Variants in ABCA3 observed in about 807,000 individuals in gnomAD.
ABCA3 encodes the protein ATP binding cassette subfamily A member 3, also known as phospholipid-transporting ATPase ABCA3.
In ABCA3, 88 loss-of-function variants were observed where a neutral mutation model predicts 172.8. That is an observed-to-expected ratio of 0.51 (90% CI 0.43 to 0.61). ABCA3 has a LOEUF of 0.61. Among genes scored for constraint, ABCA3 ranks in the 20% least tolerant of loss-of-function variants. ABCA3 has a pLI of 0.00. For synonymous variants in ABCA3, 1,066 were observed against 983.8 expected (o/e 1.08, Z -1.56); for missense variants, 2,164 against 2,301.0 (o/e 0.94, Z 1.22).
intron 10 of ABCA3, among the ~76,000 whole-genome samples, 182 bp from the exon 11 acceptor site, chr16:2,308,805 C>T (rs1027330543): frequency 1.3e-5 from 2 of 152,128 alleles, no homozygotes; most frequent in Non-Finnish European, 2.9e-5. Flanking sequence ...GCCGGCAGCC[C>T]CTTCTCCAAG....
At chr16:2,320,465 C>A (rs1416750295) in intron 7 of ABCA3, among the ~76,000 whole-genome samples, 1 of 151,424 alleles carries the variant, frequency 6.6e-6, no homozygotes, top group African/African-American at 2.4e-5. Flanking sequence ...TCTCGGCTCA[C>A]TGCAACGTCT....
chr16:2,284,109 G>T lies in ABCA3; in HGVS notation c.3862+170C>A. 1.3e-6 allele frequency: 1 copy of T among 764,332 alleles called. No homozygotes were observed. Among genetic ancestry groups the T allele is most frequent in the East Asian group, 2.8e-5 (1 of 35,654 alleles). The allele number at this position is 764,332 out of a possible 1,614,324, so 47.3% of individuals were successfully genotyped here. A position where few individuals can be genotyped will look rare whatever the true frequency, so the allele number is the denominator to read the frequency against. On this transcript the variant is annotated intron_variant, in intron 25 of 32. Transcript: ENST00000301732. This position sits in a 1 kb window ranked among gnomAD's most constrained non-coding sequence, Gnocchi z 5.9. ...GAGCTCAGGTACAGGGCCTGGGAGC[G>T]AGCGGGCGCGAGGGGGCTGCTGTGG...
Position 2,283,414 on chromosome 16 carries a change from C to T in ABCA3, c.3863-56G>A. The T allele has an allele frequency of 6.3e-7, 1 of 1,588,938 alleles. No homozygotes were observed. The highest frequency in any genetic ancestry group is 1.1e-5 in the South Asian group (1 of 89,004). On this transcript the variant is annotated intron_variant, in intron 25 of 32. Transcript: ENST00000301732. The surrounding 1 kb of genome is among the most constrained non-coding windows in gnomAD (Gnocchi z 5.4). ...GGCCTGGGGCACCCTCCTCCCCTTC[C>T]AGGTTCCCGGCCCCCACTCCCCTCC...
Position 2,321,928 on chromosome 16 carries a change from G to C in ABCA3, c.613+1595C>G, listed in dbSNP as rs575089875. ...TAAAAGCTGACGTACAGCCGGGTGT[G>C]GTGGCTCATGCCTGTAATCCCAGAA... On this transcript the variant is annotated intron_variant, in intron 7 of 32. Transcript: ENST00000301732. Among the ~76,000 whole-genome samples, 16 of 152,282 alleles carry C rather than the reference G, an allele frequency of 1.1e-4. No homozygotes were observed. The South Asian group carries it at 2.3e-3, about 22-fold the overall frequency.
At chr16:2,315,203 TACACACAC>T (rs377647001) in intron 10 of ABCA3, among the ~76,000 whole-genome samples, 129 of 138,504 alleles carry the variant, frequency 9.3e-4, no homozygotes, top group African/African-American at 3.0e-3. Context: ...GTATGTATTT[TACACACAC>T]ACACACACAC....
At position 2,287,191 on chromosome 16, in the gene ABCA3, G is replaced by A. The variant is rs191502818; in HGVS notation, c.3005-224C>T. On this transcript the variant is annotated intron_variant, in intron 21 of 32. Coordinates refer to ENST00000301732, the MANE Select transcript of ABCA3 (RefSeq NM_001089.3). The surrounding 1 kb of genome is among the most constrained non-coding windows in gnomAD (Gnocchi z 4.1). ...CCAGTCAGGAACCGGGAAAGGAGCT[G>A]CAAAATAAGAAAACCTTCCAGTAGG... 6.6e-6 allele frequency among the ~76,000 whole-genome samples: 1 copy of A among 152,300 alleles called. No homozygotes were observed. The highest frequency in any genetic ancestry group is 1.9e-4 in the East Asian group (1 of 5,194).
chr16:2,319,580 C>T lies in ABCA3; in HGVS notation c.873+1G>A. On this transcript the variant is annotated splice_donor_variant, in intron 8 of 32. Transcript: ENST00000301732. LOFTEE classifies it high-confidence loss of function. ...GTTGGGGAGCCAAAGCGGGCAGTCA[C>T]CTTCAGCCTCCTTTCCTTCTCCTGC... The T allele has an allele frequency of 6.2e-7, 1 of 1,611,018 alleles. No homozygotes were observed. Among genetic ancestry groups the T allele is most frequent in the Non-Finnish European group, 8.5e-7 (1 of 1,179,938 alleles).
In ABCA3 at chr16:2,277,122, GTCTTGC is replaced by G. The variant is rs1167067037; in HGVS notation, c.4984-323_4984-318del. On this transcript the variant is annotated intron_variant, in intron 32 of 32. Coordinates refer to ENST00000301732, the MANE Select transcript of ABCA3 (RefSeq NM_001089.3). The surrounding 1 kb of genome is among the most constrained non-coding windows in gnomAD (Gnocchi z 5.3). The stretch of plus-strand genomic sequence containing the variant: ...TTTCCCCCATATTTTTTTAGAGAGA[GTCTTGC>G]TCTGTAGCCCAGGCTGGAGTGCAGT... Among the ~76,000 whole-genome samples the G allele has an allele frequency of 6.6e-6, 1 of 152,124 alleles. No individual in the cohort carries two copies. The highest frequency in any genetic ancestry group is 1.9e-4 in the East Asian group (1 of 5,194).
chr16:2,334,913 C>T (rs920523792), intron 1 of ABCA3, among the ~76,000 whole-genome samples: 1 of 151,036 alleles, frequency 6.6e-6, no homozygotes, highest in African/African-American at 2.4e-5. Context: ...ATGGCTACAT[C>T]CACCTCCTGA....
In ABCA3 at chr16:2,323,527, T is replaced by C; in HGVS notation, c.609A>G (p.Glu203=). The C allele has an allele frequency of 6.2e-7, 1 of 1,614,100 alleles. No homozygotes were observed. Among genetic ancestry groups the C allele is most frequent in the Non-Finnish European group, 8.5e-7 (1 of 1,180,002 alleles). ...PREPTSPDGG[E]PGYIREGFLA... ...AACCCTAACCGAGCTTCTCACCAGG[T>C]TCTCCGCCATCAGGGGATGTAGGTT... The change falls in exon 7 of 33, where the codon GAA becomes GAG. Residue 203 remains glutamate (E), a synonymous_variant. Transcript: ENST00000301732.
In ABCA3 at chr16:2,334,939, C is replaced by T. The variant is rs540949750; in HGVS notation, c.-538-5085G>A. ...CACCTCCTGAGTTCAAGCGATTCTC[C>T]TGCCTCAGCGACCTGAGTGGCTGGG... On this transcript the variant is annotated intron_variant, in intron 1 of 32. Coordinates refer to ENST00000301732, the MANE Select transcript of ABCA3 (RefSeq NM_001089.3). Among the ~76,000 whole-genome samples the T allele has an allele frequency of 2.6e-5, 4 of 151,874 alleles. No homozygotes were observed. The East Asian group carries it at 7.7e-4, about 29-fold the overall frequency.
intron 8 of ABCA3, among the ~76,000 whole-genome samples, chr16:2,318,934 T>A (rs1276807911): frequency 6.6e-6 from 1 of 152,072 alleles, no homozygotes; most frequent in Admixed American, 6.6e-5. Flanking sequence ...TTGTTTGATC[T>A]GTGTATCTGC....
At chr16:2,301,568 C>T (rs1002812184) in intron 12 of ABCA3, among the ~76,000 whole-genome samples, 1 of 151,690 alleles carries the variant, frequency 6.6e-6, no homozygotes, top group Non-Finnish European at 1.5e-5. Context: ...AAATTAGGTG[C>T]GTGTAGTGGT....
At chr16:2,334,023 A>G (rs2093747603) in intron 1 of ABCA3, among the ~76,000 whole-genome samples, 1 of 152,180 alleles carries the variant, frequency 6.6e-6, no homozygotes, top group African/African-American at 2.4e-5. Flanking sequence ...AGGAGTTCAC[A>G]GTCCCTGAAC....
At position 2,276,158 on chromosome 16, in the gene ABCA3, G is replaced by A. The variant is rs1158111998; in HGVS notation, c.*516C>T. On this transcript the variant is annotated 3_prime_UTR_variant, in exon 33 of 33. Coordinates refer to ENST00000301732, the MANE Select transcript of ABCA3 (RefSeq NM_001089.3). ...GCCCCCGGGCTGCGCTGGACGCTAA[G>A]ACCCCAGCACCTAATCACAGTCAGC... is the stretch of plus-strand genomic sequence containing the variant. 4 of 362,490 alleles carry A rather than the reference G, an allele frequency of 1.1e-5. No homozygotes were observed. The Admixed American group carries it at 1.4e-4, about 12-fold the overall frequency. 22.5% of individuals were successfully genotyped at this position (362,490 alleles called of 1,614,324 possible). A position where few individuals can be genotyped will look rare whatever the true frequency, so the allele number is the denominator to read the frequency against.
At chr16:2,309,236 G>A (rs888048037) in intron 10 of ABCA3, among the ~76,000 whole-genome samples, 2 of 151,840 alleles carry the variant, frequency 1.3e-5, no homozygotes, top group African/African-American at 2.4e-5. Context: ...GTGAGCCACC[G>A]TGCCCAGCCT....
intron 6 of ABCA3, among the ~76,000 whole-genome samples, 184 bp downstream of exon 6, chr16:2,324,220 C>A (rs2093730586): frequency 6.6e-6 from 1 of 152,162 alleles, no homozygotes; most frequent in Non-Finnish European, 1.5e-5. Flanking sequence ...TTAAATGTCA[C>A]CAAGATCCCC....
chr16:2,316,670 T>C (rs2093716414), intron 10 of ABCA3, among the ~76,000 whole-genome samples: 1 of 151,122 alleles, frequency 6.6e-6, no homozygotes, highest in African/African-American at 2.4e-5. Context: ...AGAGCAAGAC[T>C]GCTCGAAAAA....
At chr16:2,301,420 G>T (rs1017070149) in intron 12 of ABCA3, among the ~76,000 whole-genome samples, 1 of 151,874 alleles carries the variant, frequency 6.6e-6, no homozygotes, top group Admixed American at 6.6e-5. Context: ...AACAGAAATG[G>T]CCTCGGCTGG....
Sources: gnomAD v4.1 joint callset for allele counts (sites outside exome capture counted in the v4.1 genomes callset) on GRCh38, gnomAD v4.1.1 for gene constraint, Gnocchi (gnomAD v3.1) non-coding constraint, MANE v1.5 for transcripts, NCBI Gene and HGNC (gene_info 2026-07-23, HGNC 2026-07-21) for gene names.